Variants in AFAP1L1 observed in about 807,000 individuals in gnomAD.
AFAP1L1 encodes actin filament associated protein 1 like 1, also known as actin filament-associated protein 1-like 1.
Under a neutral mutation model 99.8 loss-of-function variants are expected in AFAP1L1, and 77 were observed. The ratio of observed to expected loss-of-function variants is 0.77; its 90% CI spans 0.64 to 0.93. The LOEUF (loss-of-function observed/expected upper bound fraction) is 0.93, where lower values mean the gene tolerates loss of function less well. Among genes scored for constraint, AFAP1L1 ranks in the 40% least tolerant of loss-of-function variants. The pLI is 0.00. For synonymous variants in AFAP1L1, 373 were observed against 395.3 expected (o/e 0.94, Z 0.67); for missense variants, 893 against 996.8 (o/e 0.90, Z 1.40).
At chr5:149,272,482 A>C (rs1045325004) in intron 1 of AFAP1L1, among the ~76,000 whole-genome samples, 2 of 152,030 alleles carry the variant, frequency 1.3e-5, no homozygotes, top group Non-Finnish European at 2.9e-5. Flanking sequence ...GGGAGGGAGG[A>C]GGCGGGGGTG....
At chr5:149,293,080 G>A (rs1188006789) in intron 1 of AFAP1L1, among the ~76,000 whole-genome samples, 1 of 152,192 alleles carries the variant, frequency 6.6e-6, no homozygotes, top group Non-Finnish European at 1.5e-5. Context: ...GTCCCACCAT[G>A]CCCTCTTGTC....
At chr5:149,318,058 A>G (rs1487212440) in intron 12 of AFAP1L1, 118 bp downstream of exon 12, 1 of 1,206,600 alleles carries the variant, frequency 8.3e-7, no homozygotes, top group African/African-American at 1.5e-5. Flanking sequence ...GGGGAAGGAA[A>G]GCAAGCCTCA....
rs1425194457 is a variant in AFAP1L1, at chr5:149,313,809, G to A, written c.1020+1605G>A. Among the ~76,000 whole-genome samples, 5 of 152,250 alleles carry A rather than the reference G, an allele frequency of 3.3e-5. No individual in the cohort carries two copies. In the South Asian group the frequency reaches 1.0e-3, roughly 31 times the overall value. ...TGCCTCTGCCTCAGCACCCCAGGAA[G>A]GCTTCTCTGAGGAAGTGACATTTCA... On this transcript the variant is annotated intron_variant, in intron 9 of 18. Transcript: ENST00000296721.
intron 16 of AFAP1L1, among the ~76,000 whole-genome samples, chr5:149,331,360 C>G (rs1757253406): frequency 6.6e-6 from 1 of 152,082 alleles, no homozygotes; most frequent in Non-Finnish European, 1.5e-5. Flanking sequence ...GTGGCTCACG[C>G]CTGTAATCCC....
In AFAP1L1 at chr5:149,315,921, G is replaced by A. The variant is rs1756780596; in HGVS notation, c.1114+7G>A. 6 of 1,614,076 alleles carry A rather than the reference G, an allele frequency of 3.7e-6. No individual in the cohort carries two copies. Among genetic ancestry groups the A allele is most frequent in the Admixed American group, 1.7e-5 (1 of 60,030 alleles). On this transcript the variant is annotated splice_region_variant and intron_variant, in intron 10 of 18. Coordinates refer to ENST00000296721, the MANE Select transcript of AFAP1L1 (RefSeq NM_152406.4). ...CGGGAGACCTGTGATCACGGTAGGA[G>A]CCTCTGGGGGCTCAGGCTGGGGAAT...
intron 15 of AFAP1L1, among the ~76,000 whole-genome samples, chr5:149,326,547 A>G (rs1474031182): frequency 4.0e-4 from 1 of 2,528 alleles, no homozygotes; most frequent in Non-Finnish European, 0.017. Context: ...GCCAAAAATA[A>G]AAAAAAAAAA....
intron 1 of AFAP1L1, among the ~76,000 whole-genome samples, chr5:149,273,226 T>C (rs1581277285): frequency 6.7e-6 from 1 of 149,632 alleles, no homozygotes; most frequent in East Asian, 2.0e-4. Context: ...GTGTTGTTGT[T>C]GTTGCTGTTA....
rs1400472942 is a variant in AFAP1L1 at position 149,342,167 on chromosome 5, T to A, written c.*2137T>A. Among the ~76,000 whole-genome samples, 1 of 152,228 alleles carries A rather than the reference T, an allele frequency of 6.6e-6. No homozygotes were observed. Among genetic ancestry groups the A allele is most frequent in the Non-Finnish European group, 1.5e-5 (1 of 68,038 alleles). ...TCTACTATTGCCTTCTTAATCATATTTGAACAAGGAGTTCTGCTTTTCCTT... is the reference window on the plus strand; with the variant it reads ...TCTACTATTGCCTTCTTAATCATATATGAACAAGGAGTTCTGCTTTTCCTT... On this transcript the variant is annotated 3_prime_UTR_variant, in exon 19 of 19. Transcript: ENST00000296721.
At chr5:149,331,981 C>T (rs554586912) in intron 16 of AFAP1L1, among the ~76,000 whole-genome samples, 6 of 152,082 alleles carry the variant, frequency 3.9e-5, no homozygotes, top group South Asian at 2.1e-4. Context: ...CTGATTGGTC[C>T]GACTTTCATC....
At chr5:149,330,332 C>G (rs533852187) in intron 16 of AFAP1L1, among the ~76,000 whole-genome samples, 23 of 152,340 alleles carry the variant, frequency 1.5e-4, no homozygotes, top group Admixed American at 5.2e-4. Context: ...TGCTGTGTTT[C>G]CTTTGCATTC....
intron 15 of AFAP1L1, among the ~76,000 whole-genome samples, chr5:149,324,055 A>G (rs1426670849): frequency 6.6e-6 from 1 of 152,248 alleles, no homozygotes; most frequent in East Asian, 1.9e-4. Flanking sequence ...GTTAGCCATC[A>G]CTGTGGGGTC....
At chr5:149,301,612 G>A (rs1441817806) in intron 4 of AFAP1L1, among the ~76,000 whole-genome samples, 1 of 152,062 alleles carries the variant, frequency 6.6e-6, no homozygotes, top group Non-Finnish European at 1.5e-5. Context: ...CCAGGAGTTG[G>A]GTGACCTCTG....
chr5:149,338,171 C>T (rs979614450), intron 18 of AFAP1L1, among the ~76,000 whole-genome samples: 1 of 152,184 alleles, frequency 6.6e-6, no homozygotes, highest in African/African-American at 2.4e-5. Context: ...TTTTAAAATG[C>T]ATGGCTTGGC....
intron 1 of AFAP1L1, among the ~76,000 whole-genome samples, chr5:149,285,416 T>A (rs1392986364): frequency 6.6e-6 from 1 of 152,232 alleles, no homozygotes; most frequent in African/African-American, 2.4e-5. Context: ...ATTGTCTCCC[T>A]TTCTTCTTGC....
intron 11 of AFAP1L1, among the ~76,000 whole-genome samples, chr5:149,317,376 G>GGT (rs1756825856): frequency 6.6e-6 from 1 of 152,078 alleles, no homozygotes; most frequent in Non-Finnish European, 1.5e-5. Flanking sequence ...GCTGCCACTG[G>GGT]GTGTCAGCAT....
At chr5:149,292,614 T>C (rs1617849) in intron 1 of AFAP1L1, among the ~76,000 whole-genome samples, 111,722 of 152,142 alleles carry the variant, frequency 0.73, 42,718 homozygotes, top group Non-Finnish European at 0.83. Flanking sequence ...TCTGAGCCTC[T>C]GTCTCACTTA....
chr5:149,326,778 A>C (rs1757109329), intron 15 of AFAP1L1, among the ~76,000 whole-genome samples: 1 of 152,126 alleles, frequency 6.6e-6, no homozygotes, highest in Non-Finnish European at 1.5e-5. Flanking sequence ...ACAGAGGCCG[A>C]CTGCTTAACA....
chr5:149,321,848 T>G lies in AFAP1L1; in HGVS notation c.1699-758T>G, dbSNP rs1301617123. 2.0e-5 allele frequency among the ~76,000 whole-genome samples: 3 copies of G among 151,820 alleles called. No individual in the cohort carries two copies. In the East Asian group the frequency reaches 5.8e-4, roughly 29 times the overall value. The stretch of plus-strand genomic sequence containing the variant: ...TAAGCCCAGGAGTTTGAGACCAGCC[T>G]GGCCAACATGGCAAAACCCTGTCTC... On this transcript the variant is annotated intron_variant, in intron 14 of 18. Coordinates refer to ENST00000296721, the MANE Select transcript of AFAP1L1 (RefSeq NM_152406.4).
intron 3 of AFAP1L1, 145 bp from the exon 4 acceptor site, chr5:149,300,988 A>G (rs1756185980): frequency 4.9e-6 from 3 of 616,304 alleles, no homozygotes; most frequent in African/African-American, 3.7e-5. Flanking sequence ...TTCAGAGTCA[A>G]AAGTCATTTG....
Sources: gnomAD v4.1 joint callset for allele counts (sites outside exome capture counted in the v4.1 genomes callset) on GRCh38, gnomAD v4.1.1 for gene constraint, MANE v1.5 for transcripts, NCBI Gene and HGNC (gene_info 2026-07-23, HGNC 2026-07-21) for gene names.